Variants in QTMAN observed in about 807,000 individuals in gnomAD.
The protein encoded by QTMAN is queuosine-tRNA mannosyltransferase, also known as tRNA-queuosine alpha-mannosyltransferase.
chr2:144,079,437 T>C, the QTMAN span, among the ~76,000 whole-genome samples: 18 of 152,262 alleles, frequency 1.2e-4, no homozygotes, highest in African/African-American at 4.3e-4. Context: ...TTTAAAAATA[T>C]TATAGATTGT....
At chr2:144,009,717 A>T in the QTMAN span, among the ~76,000 whole-genome samples, 1 of 152,096 alleles carries the variant, frequency 6.6e-6, no homozygotes, top group Non-Finnish European at 1.5e-5. Context: ...AAACCTGGGC[A>T]TTTACAGACT....
the QTMAN span, among the ~76,000 whole-genome samples, chr2:144,236,475 C>T: frequency 2.0e-5 from 3 of 151,758 alleles, no homozygotes; most frequent in South Asian, 2.1e-4. Context: ...CTAAGAATAT[C>T]AATTCTGACA....
the QTMAN span, among the ~76,000 whole-genome samples, chr2:144,110,531 A>G: frequency 1.3e-5 from 2 of 152,132 alleles, no homozygotes; most frequent in African/African-American, 4.8e-5. Context: ...CCTAGAACTT[A>G]AAGTGTTATA....
chr2:144,035,282 C>G, the QTMAN span, among the ~76,000 whole-genome samples: 6 of 152,142 alleles, frequency 3.9e-5, no homozygotes, highest in African/African-American at 1.4e-4. Flanking sequence ...GCTTCCTGTA[C>G]AGTCTATGGA....
At chr2:144,193,971 T>C in the QTMAN span, among the ~76,000 whole-genome samples, 1 of 152,210 alleles carries the variant, frequency 6.6e-6, no homozygotes. Context: ...TCAAACCACC[T>C]ATATCTGAGG....
the QTMAN span, among the ~76,000 whole-genome samples, chr2:144,325,800 C>A: frequency 6.6e-6 from 1 of 152,152 alleles, no homozygotes; most frequent in East Asian, 1.9e-4. Context: ...ATTCAAAAGT[C>A]CTCTTTAAAA....
At chr2:144,210,046 T>C in the QTMAN span, among the ~76,000 whole-genome samples, 1 of 143,536 alleles carries the variant, frequency 7.0e-6, no homozygotes, top group African/African-American at 2.6e-5. Context: ...TATAAATCTA[T>C]ATATTATGTG....
At chr2:144,252,173 C>A in the QTMAN span, among the ~76,000 whole-genome samples, 1 of 151,984 alleles carries the variant, frequency 6.6e-6, no homozygotes, top group Non-Finnish European at 1.5e-5. Flanking sequence ...CTAAGACAAG[C>A]CTGGGCAACA....
chr2:144,175,267 A>C, the QTMAN span, among the ~76,000 whole-genome samples: 8 of 152,220 alleles, frequency 5.3e-5, no homozygotes, highest in South Asian at 1.7e-3. Context: ...CATTAGATAG[A>C]ACTAATAGAT....
the QTMAN span, among the ~76,000 whole-genome samples, chr2:144,067,334 G>A: frequency 6.6e-6 from 1 of 152,150 alleles, no homozygotes; most frequent in East Asian, 1.9e-4. Context: ...ATAATGATTT[G>A]TTTCTAAGAA....
chr2:144,059,874 C>T, the QTMAN span, among the ~76,000 whole-genome samples: 2 of 152,154 alleles, frequency 1.3e-5, no homozygotes, highest in African/African-American at 4.8e-5. Flanking sequence ...CTCTCAGGGA[C>T]GCCTTCCCAG....
chr2:143,982,956 C>T, the QTMAN span, among the ~76,000 whole-genome samples: 1 of 151,488 alleles, frequency 6.6e-6, no homozygotes, highest in Non-Finnish European at 1.5e-5. Context: ...ACAAAATTGG[C>T]TTGCTTTAGA....
chr2:144,031,437 A>G, the QTMAN span, among the ~76,000 whole-genome samples: 4 of 152,216 alleles, frequency 2.6e-5, no homozygotes, highest in Admixed American at 2.6e-4. Flanking sequence ...GTACACAGAA[A>G]AAGTGTTTTT....
the QTMAN span, among the ~76,000 whole-genome samples, chr2:144,073,069 G>A: frequency 3.3e-5 from 5 of 151,888 alleles, no homozygotes; most frequent in Non-Finnish European, 7.4e-5. Context: ...CTTTATTCAC[G>A]TCAAACAGCA....
the QTMAN span, among the ~76,000 whole-genome samples, chr2:144,028,717 A>G: frequency 6.6e-6 from 1 of 152,178 alleles, no homozygotes; most frequent in South Asian, 2.1e-4. Context: ...ATGTGGATAT[A>G]CTCTTTGAAA....
chr2:144,241,686 T>C, the QTMAN span, among the ~76,000 whole-genome samples: 24 of 152,334 alleles, frequency 1.6e-4, no homozygotes, highest in East Asian at 4.2e-3. Flanking sequence ...TCTTCCTTTC[T>C]TTCTGTCCAT....
the QTMAN span, among the ~76,000 whole-genome samples, chr2:144,125,113 T>G: frequency 2.0e-5 from 3 of 152,072 alleles, no homozygotes; most frequent in Non-Finnish European, 2.9e-5. Context: ...ATAGAATTCG[T>G]TTTTAATTCT....
At chr2:144,240,720 CA>C in the QTMAN span, among the ~76,000 whole-genome samples, 2 of 152,162 alleles carry the variant, frequency 1.3e-5, no homozygotes, top group Non-Finnish European at 2.9e-5. Context: ...TGGAGAAATG[CA>C]AACAGTCCAC....
chr2:144,161,376 C>T, the QTMAN span, among the ~76,000 whole-genome samples: 3 of 152,232 alleles, frequency 2.0e-5, no homozygotes, highest in East Asian at 3.9e-4. Flanking sequence ...AAGAAACTGG[C>T]CATGCCACAT....
Sources: gnomAD v4.1 joint callset for allele counts (sites outside exome capture counted in the v4.1 genomes callset) on GRCh38, gnomAD v4.1.1 for gene constraint, MANE v1.5 for transcripts, NCBI Gene and HGNC (gene_info 2026-07-23, HGNC 2026-07-21) for gene names.